MGAT4C: variants seen among roughly 807,000 people sequenced by gnomAD.
MGAT4C encodes the protein MGAT4 family member C.
Under a neutral mutation model 40.1 loss-of-function variants are expected in MGAT4C, and 19 were observed. The ratio of observed to expected loss-of-function variants is 0.47; its 90% CI spans 0.33 to 0.70. The LOEUF (loss-of-function observed/expected upper bound fraction) is 0.70. MGAT4C is among the 30% of genes least tolerant of loss of function. MGAT4C has a pLI of 0.02. For synonymous variants in MGAT4C, 181 were observed against 187.1 expected (o/e 0.97, Z 0.27); for missense variants, 491 against 563.2 (o/e 0.87, Z 1.30).
chr12:86,397,226 T>C (rs1330687338), intron 3 of MGAT4C, among the ~76,000 whole-genome samples: 1 of 152,132 alleles, frequency 6.6e-6, no homozygotes, highest in Non-Finnish European at 1.5e-5. Context: ...GCAACCCTCA[T>C]AGTATTTAGT....
intron 1 of MGAT4C, among the ~76,000 whole-genome samples, chr12:86,094,897 C>T (rs1873613324): frequency 6.6e-6 from 1 of 152,094 alleles, no homozygotes; most frequent in Non-Finnish European, 1.5e-5. Flanking sequence ...AGAGCCAATT[C>T]TTCCTTTAGA....
At chr12:86,041,852 G>A (rs942461251) in intron 2 of MGAT4C, among the ~76,000 whole-genome samples, 16 of 152,098 alleles carry the variant, frequency 1.1e-4, no homozygotes, top group African/African-American at 3.9e-4. Context: ...TTGAGTTCAG[G>A]TCCTGAATAT....
At chr12:86,767,445 G>A (rs972198756) in intron 1 of MGAT4C, among the ~76,000 whole-genome samples, 3 of 152,116 alleles carry the variant, frequency 2.0e-5, no homozygotes, top group African/African-American at 7.2e-5. Flanking sequence ...GTACAAGGAG[G>A]AACTGGCACC....
chr12:86,296,674 G>A (rs1032575465), intron 4 of MGAT4C, among the ~76,000 whole-genome samples: 4 of 152,210 alleles, frequency 2.6e-5, no homozygotes, highest in African/African-American at 7.2e-5. Context: ...CCTGGGGCCC[G>A]CAGGGCCGGC....
chr12:86,574,456 T>C (rs1043614975), intron 2 of MGAT4C, among the ~76,000 whole-genome samples: 15 of 151,856 alleles, frequency 9.9e-5, no homozygotes, highest in African/African-American at 3.6e-4. Flanking sequence ...AATTTCCTAA[T>C]TTATTTTACA....
chr12:86,272,052 CA>C (rs1183139009), intron 4 of MGAT4C, among the ~76,000 whole-genome samples: 1 of 151,822 alleles, frequency 6.6e-6, no homozygotes, highest in Non-Finnish European at 1.5e-5. Context: ...AAACATACAG[CA>C]AGATAGAAGG....
At chr12:86,797,586 T>A (rs1052830300) in intron 1 of MGAT4C, among the ~76,000 whole-genome samples, 1 of 151,982 alleles carries the variant, frequency 6.6e-6, no homozygotes, top group African/African-American at 2.4e-5. Flanking sequence ...CACAGGCAGC[T>A]GTTACTTCCT....
At chr12:86,119,205 T>A (rs1376366147) in intron 1 of MGAT4C, among the ~76,000 whole-genome samples, 1 of 152,118 alleles carries the variant, frequency 6.6e-6, no homozygotes, top group Admixed American at 6.6e-5. Context: ...CTTCTTATTT[T>A]AATTTTTATA....
At chr12:86,424,751 TA>T (rs1956893133) in intron 3 of MGAT4C, among the ~76,000 whole-genome samples, 2 of 152,134 alleles carry the variant, frequency 1.3e-5, no homozygotes, top group African/African-American at 4.8e-5. Context: ...GAGGTACTAC[TA>T]AAAATATATA....
At chr12:86,183,427 T>C (rs1301528744) in intron 1 of MGAT4C, among the ~76,000 whole-genome samples, 1 of 152,184 alleles carries the variant, frequency 6.6e-6, no homozygotes, top group Non-Finnish European at 1.5e-5. Context: ...ATAAAAATAA[T>C]ACCAATCTCA....
At chr12:86,501,798 T>C (rs947134999) in intron 2 of MGAT4C, among the ~76,000 whole-genome samples, 1 of 152,098 alleles carries the variant, frequency 6.6e-6, no homozygotes, top group African/African-American at 2.4e-5. Context: ...AGTGCTGCAA[T>C]GAACATACAT....
intron 2 of MGAT4C, among the ~76,000 whole-genome samples, chr12:86,675,984 AC>A (rs537521320): frequency 0.035 from 5,245 of 151,608 alleles, 133 homozygotes; most frequent in Non-Finnish European, 0.048. Context: ...AAAAAAAAAA[AC>A]ATTCATTTCA....
chr12:86,376,900 A>G (rs921004342), intron 3 of MGAT4C, among the ~76,000 whole-genome samples: 18 of 151,946 alleles, frequency 1.2e-4, no homozygotes, highest in Non-Finnish European at 2.6e-4. Context: ...GTTGAGATTG[A>G]GATTGAAAGG....
chr12:86,353,028 T>TA (rs939385210), intron 3 of MGAT4C, among the ~76,000 whole-genome samples: 5 of 139,140 alleles, frequency 3.6e-5, no homozygotes, highest in African/African-American at 1.0e-4. Context: ...AATAATAAAA[T>TA]AAAAAAATAA....
At chr12:86,657,003 C>T (rs964514895) in intron 2 of MGAT4C, among the ~76,000 whole-genome samples, 3 of 151,986 alleles carry the variant, frequency 2.0e-5, no homozygotes, top group African/African-American at 7.2e-5. Context: ...GGTATAAGAA[C>T]TATGTGTGCA....
At chr12:86,815,968 A>G (rs927435029) in intron 1 of MGAT4C, among the ~76,000 whole-genome samples, 2 of 151,910 alleles carry the variant, frequency 1.3e-5, no homozygotes, top group Non-Finnish European at 2.9e-5. Context: ...TTGTAACCAA[A>G]TACCACCTGT....
intron 3 of MGAT4C, among the ~76,000 whole-genome samples, chr12:86,430,026 T>A (rs1388199237): frequency 2.6e-5 from 4 of 152,164 alleles, no homozygotes; most frequent in African/African-American, 9.6e-5. Flanking sequence ...TAGCTAGTTT[T>A]TTCTTCTGCT....
intron 2 of MGAT4C, among the ~76,000 whole-genome samples, chr12:86,525,288 A>G (rs1958861964): frequency 6.6e-6 from 1 of 152,170 alleles, no homozygotes; most frequent in Non-Finnish European, 1.5e-5. Context: ...ACTGCCTGTG[A>G]AGAAGGTGGT....
intron 1 of MGAT4C, among the ~76,000 whole-genome samples, chr12:86,779,720 T>C (rs1593199984): frequency 6.6e-6 from 1 of 152,066 alleles, no homozygotes; most frequent in Non-Finnish European, 1.5e-5. Flanking sequence ...GAGACCATCC[T>C]GGCTAACGCG....
Sources: gnomAD v4.1 joint callset for allele counts (sites outside exome capture counted in the v4.1 genomes callset) on GRCh38, gnomAD v4.1.1 for gene constraint, MANE v1.5 for transcripts, NCBI Gene and HGNC (gene_info 2026-07-23, HGNC 2026-07-21) for gene names.